Variants in EDIL3 observed in about 807,000 individuals in gnomAD.
EDIL3 encodes EGF like and discoidin domains 3.
A neutral mutation model predicts 67.4 loss-of-function variants in EDIL3; 37 were observed. The ratio of observed to expected loss-of-function variants is 0.55; its 90% confidence interval spans 0.42 to 0.72. EDIL3 has a LOEUF of 0.72. Among genes scored for constraint, EDIL3 ranks in the 30% least tolerant of loss-of-function variants. The pLI is 0.00. For missense variants in EDIL3, 527 were observed against 586.3 expected, an observed-to-expected ratio of 0.90 and a Z score of 1.04; for synonymous variants, 195 against 196.3, an observed-to-expected ratio of 0.99 and a Z score of 0.05.
chr5:84,036,580 C>T (rs922365155), intron 9 of EDIL3, among the ~76,000 whole-genome samples: 12 of 152,110 alleles, frequency 7.9e-5, no homozygotes, highest in African/African-American at 2.7e-4. Context: ...AGTACCTTGT[C>T]GCCTCTGCCA....
chr5:84,262,344 G>C (rs1358292822), intron 1 of EDIL3, among the ~76,000 whole-genome samples: 1 of 152,132 alleles, frequency 6.6e-6, no homozygotes, highest in African/African-American at 2.4e-5. Context: ...GGAAGAAAAG[G>C]AAGGAGGGAA....
intron 4 of EDIL3, among the ~76,000 whole-genome samples, chr5:84,153,683 G>A (rs1484309159): frequency 6.6e-6 from 1 of 152,090 alleles, no homozygotes; most frequent in East Asian, 1.9e-4. Flanking sequence ...GGCTGGTCTC[G>A]AGCTCCTGAC....
At chr5:84,247,540 T>C (rs894718188) in intron 2 of EDIL3, among the ~76,000 whole-genome samples, 1 of 152,148 alleles carries the variant, frequency 6.6e-6, no homozygotes, top group Non-Finnish European at 1.5e-5. Flanking sequence ...GTCTGTATTT[T>C]CTGGGATAAA....
intron 2 of EDIL3, among the ~76,000 whole-genome samples, chr5:84,244,052 G>A (rs1744858263): frequency 6.6e-6 from 1 of 152,108 alleles, no homozygotes; most frequent in Non-Finnish European, 1.5e-5. Flanking sequence ...GGGGAATGTG[G>A]CCAAACAAAA....
chr5:84,247,707 G>T (rs962973228), intron 2 of EDIL3, among the ~76,000 whole-genome samples: 1 of 151,788 alleles, frequency 6.6e-6, no homozygotes, highest in African/African-American at 2.4e-5. Flanking sequence ...AGGTAAAAGA[G>T]GATAAGAGAA....
intron 1 of EDIL3, among the ~76,000 whole-genome samples, chr5:84,331,447 C>T (rs1746869241): frequency 6.6e-6 from 1 of 152,138 alleles, no homozygotes; most frequent in South Asian, 2.1e-4. Flanking sequence ...TCATGCTTTT[C>T]TCATGATAGT....
At chr5:84,261,023 CTCATCT>C (rs1561238261) in intron 1 of EDIL3, among the ~76,000 whole-genome samples, 3 of 152,154 alleles carry the variant, frequency 2.0e-5, no homozygotes, top group African/African-American at 7.2e-5. Context: ...GCATTACAAC[CTCATCT>C]TCAATCTATT....
chr5:84,217,020 C>G (rs1744238495), intron 3 of EDIL3, among the ~76,000 whole-genome samples: 1 of 152,022 alleles, frequency 6.6e-6, no homozygotes, highest in South Asian at 2.1e-4. Context: ...GGCATTTTAT[C>G]TTATCCATCC....
intron 1 of EDIL3, among the ~76,000 whole-genome samples, chr5:84,283,873 C>A (rs1745756005): frequency 6.6e-6 from 1 of 152,100 alleles, no homozygotes. Context: ...CTCCCTCAAA[C>A]CACCCCGCAA....
chr5:84,380,329 G>T (rs1274591784), intron 1 of EDIL3, among the ~76,000 whole-genome samples: 2 of 151,934 alleles, frequency 1.3e-5, no homozygotes, highest in Non-Finnish European at 2.9e-5. Flanking sequence ...CTTAGCTTTG[G>T]TTTTCTGCTT....
intron 1 of EDIL3, among the ~76,000 whole-genome samples, chr5:84,353,241 GGGAA>G (rs2112191888): frequency 6.6e-6 from 1 of 152,240 alleles, no homozygotes; most frequent in African/African-American, 2.4e-5. Flanking sequence ...CCAATCAAAA[GGGAA>G]GGAAGTTCCA....
At chr5:84,141,951 A>ATATATATATATATATATATACATAGATC (rs1561443850) in intron 4 of EDIL3, among the ~76,000 whole-genome samples, 4 of 97,760 alleles carry the variant, frequency 4.1e-5, no homozygotes, top group Non-Finnish European at 8.4e-5. Context: ...ATATATACAT[A>ATATATATATATATATATATACATAGATC]GATCTATCTA....
At chr5:84,217,229 C>T (rs1580382145) in intron 3 of EDIL3, among the ~76,000 whole-genome samples, 2 of 151,044 alleles carry the variant, frequency 1.3e-5, no homozygotes, top group Non-Finnish European at 2.9e-5. Context: ...ATTAAAGAAA[C>T]CTCTAAGTCT....
intron 9 of EDIL3, among the ~76,000 whole-genome samples, chr5:84,052,023 T>G (rs931620453): frequency 1.3e-5 from 2 of 151,876 alleles, no homozygotes; most frequent in South Asian, 4.2e-4. Flanking sequence ...TCACCAAAGA[T>G]GAAATGAAGG....
At chr5:84,310,486 T>C (rs79323205) in intron 1 of EDIL3, among the ~76,000 whole-genome samples, 3 of 152,168 alleles carry the variant, frequency 2.0e-5, no homozygotes, top group African/African-American at 4.8e-5. Flanking sequence ...CAGAAAAAAA[T>C]AGTAATCTTA....
chr5:84,145,265 T>C (rs905981031), intron 4 of EDIL3, among the ~76,000 whole-genome samples: 1 of 152,086 alleles, frequency 6.6e-6, no homozygotes, highest in African/African-American at 2.4e-5. Flanking sequence ...GCTTAAAGGA[T>C]GAGCAGGAGT....
chr5:83,993,328 G>C (rs753819916), intron 9 of EDIL3, among the ~76,000 whole-genome samples: 1 of 152,136 alleles, frequency 6.6e-6, no homozygotes, highest in South Asian at 2.1e-4. Flanking sequence ...AAAAGCCACT[G>C]TGCCTGGCCA....
chr5:84,380,949 A>T (rs981166102), intron 1 of EDIL3, among the ~76,000 whole-genome samples: 7 of 152,096 alleles, frequency 4.6e-5, no homozygotes, highest in African/African-American at 1.7e-4. Flanking sequence ...ATATTTATTT[A>T]AAATACCCTA....
intron 1 of EDIL3, among the ~76,000 whole-genome samples, chr5:84,308,423 C>A (rs942495308): frequency 1.3e-5 from 2 of 152,050 alleles, no homozygotes; most frequent in Non-Finnish European, 2.9e-5. Context: ...TATAAATATT[C>A]CTAATGTGTC....
Sources: gnomAD v4.1 joint callset for allele counts (sites outside exome capture counted in the v4.1 genomes callset) on GRCh38, gnomAD v4.1.1 for gene constraint, MANE v1.5 for transcripts, NCBI Gene and HGNC (gene_info 2026-07-23, HGNC 2026-07-21) for gene names.